COL5A1: variants seen among roughly 807,000 people sequenced by gnomAD.
The protein encoded by COL5A1 is collagen alpha-1(V) chain.
A neutral mutation model predicts 263.7 loss-of-function variants in COL5A1; 16 were observed. That is an observed-to-expected ratio of 0.06 (90% confidence interval 0.04 to 0.09). The LOEUF is 0.09. Ranked by LOEUF, COL5A1 falls within the 10% of genes least tolerant of loss-of-function variation. The pLI is 1.00. For missense variants in COL5A1, 2,036 were observed against 2,540.5 expected (o/e 0.80, Z 4.27); for synonymous variants, 1,012 against 1,004.5 (o/e 1.01, Z -0.14).
intron 1 of COL5A1, among the ~76,000 whole-genome samples, chr9:134,668,874 T>C (rs74884297): frequency 0.11 from 16,748 of 151,554 alleles, 1,192 homozygotes; most frequent in Admixed American, 0.17. Context: ...TATCCATTCA[T>C]CCATCCATCT....
At chr9:134,829,852 A>C (rs1839523088) in intron 63 of COL5A1, 124 bp from the exon 64 acceptor site, 3 of 1,060,708 alleles carry the variant, frequency 2.8e-6, no homozygotes, top group Non-Finnish European at 4.2e-6. Context: ...TCCTCCCTGC[A>C]GCCCCCCCGG....
intron 2 of COL5A1, among the ~76,000 whole-genome samples, chr9:134,692,256 C>A (rs1046896916): frequency 6.6e-6 from 1 of 152,208 alleles, no homozygotes; most frequent in Non-Finnish European, 1.5e-5. Context: ...AAACAGCCCA[C>A]CTCTGGGTAC....
intron 37 of COL5A1, among the ~76,000 whole-genome samples, chr9:134,800,546 A>G (rs1838070443): frequency 6.6e-6 from 1 of 152,088 alleles, no homozygotes; most frequent in Non-Finnish European, 1.5e-5. Flanking sequence ...GGAGTTTGAG[A>G]CCAGCCCGGC....
At chr9:134,699,408 G>C (rs1294491241) in intron 2 of COL5A1, among the ~76,000 whole-genome samples, 2 of 152,098 alleles carry the variant, frequency 1.3e-5, no homozygotes. Flanking sequence ...TCTAGTGGCG[G>C]TTCGAGGCTG....
intron 1 of COL5A1, among the ~76,000 whole-genome samples, chr9:134,644,666 A>G (rs1831418913): frequency 6.6e-6 from 1 of 152,172 alleles, no homozygotes; most frequent in Non-Finnish European, 1.5e-5. Flanking sequence ...GGTTTTCTGA[A>G]CACAGTTCTT....
chr9:134,815,593 T>C lies in COL5A1; in HGVS notation c.4032T>C (p.Pro1344=), dbSNP rs1838713479. Residue 1344 remains proline (P), a synonymous_variant, in exon 51 of 66, where the codon CCT becomes CCC. Transcript: ENST00000371817. ...PKGSPGPVGF[P]GDPGPPGEPG... ...CCTTTCAGGGCCCAGTGGGTTTTCC[T>C]GGAGATCCTGGCCCCCCCGGAGAGC... 2 of 1,613,754 alleles carry C rather than the reference T, an allele frequency of 1.2e-6. No homozygotes were observed. The highest frequency in any genetic ancestry group is 1.3e-5 in the African/African-American group (1 of 75,030).
chr9:134,673,451 C>A (rs1245636500), intron 1 of COL5A1, among the ~76,000 whole-genome samples: 1 of 140,040 alleles, frequency 7.1e-6, no homozygotes. Context: ...TATGGCGAGA[C>A]TCCATCTCAA....
At chr9:134,760,461 ACC>A (rs1836334685) in intron 18 of COL5A1, among the ~76,000 whole-genome samples, 1 of 83,938 alleles carries the variant, frequency 1.2e-5, no homozygotes, top group African/African-American at 5.7e-5. Context: ...ACACCCACAC[ACC>A]CCCACATTCA....
In COL5A1 at chr9:134,834,958, CCT is replaced by C; in HGVS notation, c.5137-12_5137-11del. The C allele has an allele frequency of 3.7e-6, 6 of 1,600,246 alleles. No homozygotes were observed. Among genetic ancestry groups the C allele is most frequent in the Non-Finnish European group, 5.1e-6 (6 of 1,169,572 alleles). On this transcript the variant is annotated splice_polypyrimidine_tract_variant and intron_variant, in intron 64 of 65. Coordinates refer to ENST00000371817, the MANE Select transcript of COL5A1 (RefSeq NM_000093.5). Reference sequence around the variant, plus strand: ...CCCCACCCTGCTGAGCCCCAACACCCCTGTCCCCCCAGCTCTCCTATGTGGAC... The same window carrying C: ...CCCCACCCTGCTGAGCCCCAACACCCGTCCCCCCAGCTCTCCTATGTGGAC...
intron 7 of COL5A1, 98 bp downstream of exon 7, chr9:134,730,573 C>T (rs994358043): frequency 5.8e-6 from 9 of 1,551,776 alleles, no homozygotes; most frequent in Non-Finnish European, 7.0e-6. Flanking sequence ...CCAGTTCTCA[C>T]CTTGGTGTCC....
At chr9:134,802,654 G>A (rs1418806409) in intron 38 of COL5A1, among the ~76,000 whole-genome samples, 1 of 152,220 alleles carries the variant, frequency 6.6e-6, no homozygotes, top group Non-Finnish European at 1.5e-5. Flanking sequence ...GGCGCCAGGT[G>A]GGGGAAGAGG....
At chr9:134,837,187 A>G (rs548438138) in intron 65 of COL5A1, among the ~76,000 whole-genome samples, 2 of 152,324 alleles carry the variant, frequency 1.3e-5, no homozygotes, top group African/African-American at 2.4e-5. Flanking sequence ...GTGAAGAGAA[A>G]TCAGGAACCC....
chr9:134,734,684 G>A (rs971250169), intron 9 of COL5A1, among the ~76,000 whole-genome samples: 1 of 152,188 alleles, frequency 6.6e-6, no homozygotes, highest in South Asian at 2.1e-4. Flanking sequence ...AGGAATCCAC[G>A]GAACCGAGAG....
At chr9:134,692,280 G>A (rs1833313283) in intron 2 of COL5A1, among the ~76,000 whole-genome samples, 1 of 152,136 alleles carries the variant, frequency 6.6e-6, no homozygotes, top group Admixed American at 6.5e-5. Flanking sequence ...AGTGGCCCTG[G>A]GCTGTGGATC....
chr9:134,816,048 G>A (rs1377281558), intron 52 of COL5A1, 60 bp downstream of exon 52: 1 of 1,555,284 alleles, frequency 6.4e-7, no homozygotes, highest in African/African-American at 1.4e-5. Context: ...TTGGGACCTT[G>A]CAGCTTGCTT....
chr9:134,731,283 G>A (rs532507473), intron 7 of COL5A1, among the ~76,000 whole-genome samples: 159 of 152,304 alleles, frequency 1.0e-3, no homozygotes, highest in African/African-American at 3.2e-3. Flanking sequence ...TGCCAGCTCC[G>A]AGTTGTCAGA....
chr9:134,703,067 G>A (rs1833726444), intron 4 of COL5A1, among the ~76,000 whole-genome samples: 1 of 152,262 alleles, frequency 6.6e-6, no homozygotes, highest in African/African-American at 2.4e-5. Context: ...GCCACGCTCT[G>A]TGGAATGAGA....
At position 134,817,787 on chromosome 9, in the gene COL5A1, G is replaced by A; in HGVS notation, c.4186G>A (p.Gly1396Ser). The part of the protein sequence containing the change: ...SGPPGKRGPP[G>S]PAGPEGRQGE... ...CTCTTGCTTCTTTCAGGGTCCCCCAGGCCCCGCAGGCCCCGAAGGCAGACA... is the reference window on the plus strand; with the variant it reads ...CTCTTGCTTCTTTCAGGGTCCCCCAAGCCCCGCAGGCCCCGAAGGCAGACA... The change falls in exon 54 of 66, where the codon GGC becomes AGC. Residue 1396 changes from glycine (G) to serine (S), a missense_variant. Transcript: ENST00000371817. The A allele has an allele frequency of 6.2e-7, 1 of 1,612,062 alleles. No individual in the cohort carries two copies. Among genetic ancestry groups the A allele is most frequent in the Non-Finnish European group, 8.5e-7 (1 of 1,179,128 alleles).
chr9:134,722,585 T>G (rs949558464), intron 4 of COL5A1, among the ~76,000 whole-genome samples: 3 of 152,238 alleles, frequency 2.0e-5, no homozygotes, highest in Admixed American at 6.5e-5. Context: ...CAGCTGCCCC[T>G]GAAGGCCCCT....
Sources: allele counts gnomAD v4.1 joint callset (sites outside exome capture counted in the v4.1 genomes callset), GRCh38; gene constraint gnomAD v4.1.1; transcripts MANE v1.5; gene names NCBI Gene and HGNC (gene_info 2026-07-23, HGNC 2026-07-21).